OSBPL5: variants seen among roughly 807,000 people sequenced by gnomAD.
The protein encoded by OSBPL5 is oxysterol binding protein like 5, also known as oxysterol-binding protein-related protein 5.
In OSBPL5, 71 loss-of-function variants were observed where a neutral mutation model predicts 111.2. The ratio of observed to expected loss-of-function variants is 0.64; its 90% CI spans 0.53 to 0.78. OSBPL5 has a LOEUF of 0.78. Among genes scored for constraint, OSBPL5 ranks in the 30% least tolerant of loss-of-function variants. The probability of loss-of-function intolerance (pLI) is 0.00; values close to 1 mark genes in which losing one functional copy is unlikely to be tolerated. For missense variants in OSBPL5, 1,210 were observed against 1,189.3 expected (o/e 1.02, Z -0.26); for synonymous variants, 549 against 513.9 (o/e 1.07, Z -0.93).
At chr11:3,150,859 C>T (rs2134541197) in intron 1 of OSBPL5, among the ~76,000 whole-genome samples, 1 of 152,316 alleles carries the variant, frequency 6.6e-6, no homozygotes, top group Admixed American at 6.5e-5. Context: ...AGAATGCCAC[C>T]CCTGGTCTTT....
At chr11:3,095,816 A>G (rs1032226091) in intron 14 of OSBPL5, among the ~76,000 whole-genome samples, 36 of 152,230 alleles carry the variant, frequency 2.4e-4, no homozygotes, top group African/African-American at 8.0e-4. Flanking sequence ...GTGAAAGAGG[A>G]TGGAACGTCA....
At chr11:3,136,539 G>A (rs992095884) in intron 1 of OSBPL5, among the ~76,000 whole-genome samples, 4 of 152,238 alleles carry the variant, frequency 2.6e-5, no homozygotes, top group South Asian at 2.1e-4. Flanking sequence ...GAGGCCTGGG[G>A]ACCGCAGAGC....
rs1857715585 is a variant in OSBPL5 at position 3,106,987 on chromosome 11, C to T, written c.1059+276G>A. ...TGTTCTCCCATCAGCGCATTCCAGCCCAAGGAGGGAGTTGCCTGTCTGCAG... is the reference window on the plus strand; with the variant it reads ...TGTTCTCCCATCAGCGCATTCCAGCTCAAGGAGGGAGTTGCCTGTCTGCAG... On this transcript the variant is annotated intron_variant, in intron 9 of 21. Transcript: ENST00000263650. This position sits in a 1 kb window ranked among gnomAD's most constrained non-coding sequence, Gnocchi z 8.4. 6.6e-6 allele frequency among the ~76,000 whole-genome samples: 1 copy of T among 152,188 alleles called. No homozygotes were observed.
intron 15 of OSBPL5, among the ~76,000 whole-genome samples, 157 bp from the exon 16 acceptor site, chr11:3,093,992 C>G (rs1256442958): frequency 6.6e-6 from 1 of 152,186 alleles, no homozygotes; most frequent in South Asian, 2.1e-4. Context: ...GGGACCCCCA[C>G]GCCTCCGCTC....
chr11:3,094,540 GAGCCTGGGA>G lies in OSBPL5; in HGVS notation c.1622-215_1622-207del, dbSNP rs1360901212. On this transcript the variant is annotated intron_variant, in intron 14 of 21. Transcript: ENST00000263650. ...ACAGGGAGAGGCTGGTGGGGGTGCG[GAGCCTGGGA>G]GGTGCGGAGCCTGGGAGGCACGGAG... 7.1e-5 allele frequency: 18 copies of G among 252,186 alleles called. No individual in the cohort carries two copies. The South Asian group carries it at 1.1e-3, about 15-fold the overall frequency. 15.6% of individuals were successfully genotyped at this position (252,186 alleles called of 1,614,324 possible).
intron 7 of OSBPL5, among the ~76,000 whole-genome samples, chr11:3,112,034 T>C (rs28498080): frequency 5.8e-5 from 6 of 103,374 alleles, no homozygotes; most frequent in Admixed American, 1.8e-4. Flanking sequence ...CATGTGTGTG[T>C]ATGTGTGCGC....
In OSBPL5 at chr11:3,104,173, C is replaced by T. The variant is rs749684787; in HGVS notation, c.1244+20G>A. 6.9e-6 allele frequency: 11 copies of T among 1,588,810 alleles called. No homozygotes were observed. The highest frequency in any genetic ancestry group is 8.6e-6 in the Non-Finnish European group (10 of 1,162,220). On this transcript the variant is annotated intron_variant, in intron 10 of 21. Transcript: ENST00000263650. This position sits in a 1 kb window ranked among gnomAD's most constrained non-coding sequence, Gnocchi z 5.0. ...GATGCAGGACGAGGTGTGGGGTGCCCCTCCCGGCATGGCGCGCACCTGGAG... is the reference window on the plus strand; with the variant it reads ...GATGCAGGACGAGGTGTGGGGTGCCTCTCCCGGCATGGCGCGCACCTGGAG...
rs1449706575 is a variant in OSBPL5, at chr11:3,106,346, C to G, written c.1059+917G>C. ...CCACGGCCTTGCTCTTGTCTCGCCTCCCGGGTGAGAATGACAAGATCCCAG... is the reference window on the plus strand; with the variant it reads ...CCACGGCCTTGCTCTTGTCTCGCCTGCCGGGTGAGAATGACAAGATCCCAG... On this transcript the variant is annotated intron_variant, in intron 9 of 21. Coordinates refer to ENST00000263650, the MANE Select transcript of OSBPL5 (RefSeq NM_020896.4). This position sits in a 1 kb window ranked among gnomAD's most constrained non-coding sequence, Gnocchi z 8.4. Among the ~76,000 whole-genome samples, 1 of 152,152 alleles carries G rather than the reference C, an allele frequency of 6.6e-6. No homozygotes were observed. Among genetic ancestry groups the G allele is most frequent in the African/African-American group, 2.4e-5 (1 of 41,434 alleles).
At position 3,130,760 on chromosome 11, in the gene OSBPL5, G is replaced by A. The variant is rs1858797473; in HGVS notation, c.-21-1591C>T. On this transcript the variant is annotated intron_variant, in intron 1 of 21. Transcript: ENST00000263650. The surrounding 1 kb of genome is among the most constrained non-coding windows in gnomAD (Gnocchi z 4.5). ...CAGCCGCTGAGTGTCTGCCCACTCA[G>A]TGTCTCAGCTTGGCTCAGCCAACCT... Among the ~76,000 whole-genome samples the A allele has an allele frequency of 6.6e-6, 1 of 152,362 alleles. No homozygotes were observed. Among genetic ancestry groups the A allele is most frequent in the Non-Finnish European group, 1.5e-5 (1 of 68,040 alleles).
At chr11:3,151,236 A>C (rs1286962278) in intron 1 of OSBPL5, among the ~76,000 whole-genome samples, 1 of 152,158 alleles carries the variant, frequency 6.6e-6, no homozygotes, top group Non-Finnish European at 1.5e-5. Context: ...CCCTGCCGGC[A>C]CTGGGATTTC....
At position 3,129,061 on chromosome 11, in the gene OSBPL5, G is replaced by A. The variant is rs758721623; in HGVS notation, c.88C>T (p.Arg30Trp). ...PQKVDPRKLT[R>W]NLLLSGDNEL... ...TTGTCTCCGCTGAGGAGCAAGTTCC[G>A]GGTGAGCTTCCGGGGGTCGACTTTC... The change falls in exon 2 of 22, where the codon CGG becomes TGG. Residue 30 changes from arginine (R) to tryptophan (W), a missense_variant. By Grantham distance (101) the Arg-to-Trp change is moderately radical. Coordinates refer to ENST00000263650, the MANE Select transcript of OSBPL5 (RefSeq NM_020896.4). The A allele has an allele frequency of 7.6e-5, 121 of 1,586,598 alleles. No homozygotes were observed. Among genetic ancestry groups the A allele is most frequent in the Non-Finnish European group, 6.2e-5 (72 of 1,167,298 alleles).
rs1279011493 is a variant in OSBPL5, at chr11:3,092,080, T to A, written c.2259+352A>T. Among the ~76,000 whole-genome samples the A allele has an allele frequency of 1.3e-5, 2 of 152,186 alleles. No individual in the cohort carries two copies. Among genetic ancestry groups the A allele is most frequent in the East Asian group, 3.9e-4 (2 of 5,182 alleles). ...CAAGATCTGTGCAAGTGCTGGCTCC[T>A]CCTCCTCCTACCTGGGAAGGGCCCT... On this transcript the variant is annotated intron_variant, in intron 19 of 21. Transcript: ENST00000263650. The surrounding 1 kb of genome is among the most constrained non-coding windows in gnomAD (Gnocchi z 5.4).
Position 3,118,570 on chromosome 11 carries a change from ATTTTT to A in OSBPL5, c.691+972_691+976del, listed in dbSNP as rs143316664. Reference sequence around the variant, plus strand: ...GGCCTCAACCTTGGCAAAATAAACTATTTTTTTTTTTTTTTTTTTGAGATGGAGTC... The same window carrying A: ...GGCCTCAACCTTGGCAAAATAAACTATTTTTTTTTTTTTTGAGATGGAGTC... On this transcript the variant is annotated intron_variant, in intron 7 of 21. Coordinates refer to ENST00000263650, the MANE Select transcript of OSBPL5 (RefSeq NM_020896.4). Among the ~76,000 whole-genome samples, 6 of 124,160 alleles carry A rather than the reference ATTTTT, an allele frequency of 4.8e-5. No homozygotes were observed. The East Asian group carries it at 9.0e-4, about 19-fold the overall frequency. 81.5% of individuals were successfully genotyped at this position (124,160 alleles called of 152,430 possible).
At chr11:3,133,987 G>T (rs1013128470) in intron 1 of OSBPL5, among the ~76,000 whole-genome samples, 9 of 152,068 alleles carry the variant, frequency 5.9e-5, no homozygotes, top group African/African-American at 1.4e-4. Context: ...CTTGGTGGGG[G>T]GGGGGTCACT....
At position 3,159,992 on chromosome 11, in the gene OSBPL5, C is replaced by T. The variant is rs560140577; in HGVS notation, c.-22+5224G>A. On this transcript the variant is annotated intron_variant, in intron 1 of 21. Coordinates refer to ENST00000263650, the MANE Select transcript of OSBPL5 (RefSeq NM_020896.4). Reference sequence around the variant, plus strand: ...CTAGGCCTTCTGATCAGATCCGAGGCGGTGCCTGCCACCATCACCACCATC... The same window carrying T: ...CTAGGCCTTCTGATCAGATCCGAGGTGGTGCCTGCCACCATCACCACCATC... 7.2e-5 allele frequency among the ~76,000 whole-genome samples: 11 copies of T among 152,280 alleles called. No homozygotes were observed. The East Asian group carries it at 1.5e-3, about 21-fold the overall frequency.
rs1177736029 is a variant in OSBPL5 at position 3,110,488 on chromosome 11, T to A, written c.692-2543A>T. Reference sequence around the variant, plus strand: ...GTTCTAGCACTTTCTTGCTGGCAGTTTGCCTGTGCCTCAGTTTCCTGACCT... The same window carrying A: ...GTTCTAGCACTTTCTTGCTGGCAGTATGCCTGTGCCTCAGTTTCCTGACCT... On this transcript the variant is annotated intron_variant, in intron 7 of 21. Transcript: ENST00000263650. This position sits in a 1 kb window ranked among gnomAD's most constrained non-coding sequence, Gnocchi z 5.3. Among the ~76,000 whole-genome samples, 2 of 152,218 alleles carry A rather than the reference T, an allele frequency of 1.3e-5. No individual in the cohort carries two copies. The highest frequency in any genetic ancestry group is 4.8e-5 in the African/African-American group (2 of 41,450).
At chr11:3,164,714 A>G (rs1847060076) in intron 1 of OSBPL5, among the ~76,000 whole-genome samples, 2 of 152,122 alleles carry the variant, frequency 1.3e-5, no homozygotes, top group African/African-American at 4.8e-5. Context: ...CAGTCCTCCC[A>G]AGCCCGCAGC....
In OSBPL5 at chr11:3,107,832, G is replaced by A; in HGVS notation, c.805C>T (p.Pro269Ser). The change falls in exon 8 of 22, where the codon CCC (proline) becomes TCC (serine). Residue 269 changes from proline to serine, a missense_variant. Transcript: ENST00000263650. This position sits in a 1 kb window ranked among gnomAD's most constrained non-coding sequence, Gnocchi z 6.1. ...GCTGGCAGCCCACAGAGCGATGAGG[G>A]TGATGCGTCTGGCGAGGTCCCTGGC... Reference protein sequence around the residue: ...GEPGTSPDASPSSLCGLPASA... With the variant: ...GEPGTSPDASSSSLCGLPASA... 1.2e-6 allele frequency: 2 copies of A among 1,612,294 alleles called. No homozygotes were observed. Among genetic ancestry groups the A allele is most frequent in the Non-Finnish European group, 1.7e-6 (2 of 1,179,962 alleles).
Position 3,130,722 on chromosome 11 carries a change from C to T in OSBPL5, c.-21-1553G>A, listed in dbSNP as rs188569782. Among the ~76,000 whole-genome samples the T allele has an allele frequency of 4.8e-3, 729 of 152,312 alleles. 8 individuals are homozygous for T. Among genetic ancestry groups the T allele is most frequent in the Non-Finnish European group, 6.6e-3 (446 of 68,032 alleles). On this transcript the variant is annotated intron_variant, in intron 1 of 21. Coordinates refer to ENST00000263650, the MANE Select transcript of OSBPL5 (RefSeq NM_020896.4). This position sits in a 1 kb window ranked among gnomAD's most constrained non-coding sequence, Gnocchi z 4.5. ...ATGCCGTCCTTAAGCCAGGTGGAAC[C>T]GATCCTAAAACCCAGCCGCTGAGTG...
Sources: gnomAD v4.1 joint callset for allele counts (sites outside exome capture counted in the v4.1 genomes callset) on GRCh38, gnomAD v4.1.1 for gene constraint, Gnocchi (gnomAD v3.1) non-coding constraint, MANE v1.5 for transcripts, NCBI Gene and HGNC (gene_info 2026-07-23, HGNC 2026-07-21) for gene names.